NSD3: variants seen among roughly 807,000 people sequenced by gnomAD.
NSD3 encodes histone-lysine N-methyltransferase NSD3.
NSD3 carries 24 observed loss-of-function variants against 160.8 expected under a neutral mutation model. That is an observed-to-expected ratio of 0.15 (90% CI 0.11 to 0.21). The LOEUF (loss-of-function observed/expected upper bound fraction) is 0.21, where lower values mean the gene tolerates loss of function less well. Ranked by LOEUF, NSD3 falls within the 10% of genes least tolerant of loss-of-function variation. NSD3 has a pLI of 1.00. For synonymous variants in NSD3, 520 were observed against 600.0 expected, an observed-to-expected ratio of 0.87 and a Z score of 1.95; for missense variants, 1,157 against 1,735.9, an observed-to-expected ratio of 0.67 and a Z score of 5.93.
chr8:38,311,913 T>C (rs536499974), intron 12 of NSD3, among the ~76,000 whole-genome samples: 2 of 152,358 alleles, frequency 1.3e-5, no homozygotes, highest in Non-Finnish European at 2.9e-5. Context: ...CCAAGAGTTT[T>C]ATAGGTTTAG....
intron 19 of NSD3, among the ~76,000 whole-genome samples, chr8:38,285,996 G>A (rs1808846601): frequency 1.3e-5 from 2 of 152,136 alleles, no homozygotes; most frequent in South Asian, 2.1e-4. Context: ...ACCCAAGTGT[G>A]GCAGACAGAC....
At chr8:38,296,267 A>G (rs190626209) in intron 15 of NSD3, among the ~76,000 whole-genome samples, 2 of 152,318 alleles carry the variant, frequency 1.3e-5, no homozygotes, top group Non-Finnish European at 2.9e-5. Context: ...ACCAAATTGA[A>G]GCATAAAATC....
rs371586811 is a variant in NSD3, at chr8:38,279,646, A to G, written c.3654T>C (p.Tyr1218=). Reference sequence around the variant, plus strand: ...TACAACTGTGGTTCATGAAGCGAGAATAATTTCCTTTTGGGCCGGCATCAA... The same window carrying G: ...TACAACTGTGGTTCATGAAGCGAGAGTAATTTCCTTTTGGGCCGGCATCAA... ...RIIDAGPKGN[Y]SRFMNHSCNP... The change falls in exon 21 of 24, where the codon TAT becomes TAC. Residue 1218 remains tyrosine (Y), a synonymous_variant. Coordinates refer to ENST00000317025, the MANE Select transcript of NSD3 (RefSeq NM_023034.2). The G allele has an allele frequency of 7.9e-5, 128 of 1,613,784 alleles. 1 individual carries two copies. The highest frequency in any genetic ancestry group is 1.0e-4 in the Non-Finnish European group (122 of 1,179,802).
intron 2 of NSD3, among the ~76,000 whole-genome samples, chr8:38,342,849 C>A (rs944090329): frequency 1.3e-5 from 2 of 151,932 alleles, no homozygotes; most frequent in Non-Finnish European, 2.9e-5. Flanking sequence ...TGAGCCACCA[C>A]GGCCTTCAGC....
chr8:38,339,322 G>A (rs1810302666), intron 2 of NSD3, among the ~76,000 whole-genome samples: 1 of 152,128 alleles, frequency 6.6e-6, no homozygotes, highest in South Asian at 2.1e-4. Context: ...CTCTGACCTT[G>A]CAAATCTACT....
chr8:38,375,126 T>C (rs1811357847), intron 1 of NSD3, among the ~76,000 whole-genome samples: 1 of 152,182 alleles, frequency 6.6e-6, no homozygotes, highest in African/African-American at 2.4e-5. Flanking sequence ...GCCACATAAA[T>C]GTAAGGTATT....
intron 1 of NSD3, among the ~76,000 whole-genome samples, 179 bp from the exon 2 acceptor site, chr8:38,348,394 T>G (rs1810585914): frequency 6.6e-6 from 1 of 152,240 alleles, no homozygotes; most frequent in African/African-American, 2.4e-5. Flanking sequence ...GCAAATACCT[T>G]TTATCTTCAA....
rs1411593527 is a variant in NSD3, at chr8:38,270,154, C to G, written c.*5487G>C. The G allele has an allele frequency of 6.6e-6, 1 of 152,192 alleles. No homozygotes were observed. The highest frequency in any genetic ancestry group is 1.5e-5 in the Non-Finnish European group (1 of 68,042). The allele number at this position is 152,192 out of a possible 1,614,324, so 9.4% of individuals were successfully genotyped here. ...ACTAATCCCTTAGTGTCAAGAGCTT[C>G]TAGCCAAGTCACAGAAACTCAAAAG... On this transcript the variant is annotated 3_prime_UTR_variant, in exon 24 of 24. Coordinates refer to ENST00000317025, the MANE Select transcript of NSD3 (RefSeq NM_023034.2).
chr8:38,283,306 C>T (rs923690961), intron 19 of NSD3, among the ~76,000 whole-genome samples: 8 of 152,130 alleles, frequency 5.3e-5, no homozygotes, highest in African/African-American at 1.9e-4. Context: ...TAAGGACTTA[C>T]CAATCTTACT....
chr8:38,327,559 T>A (rs546514593), intron 6 of NSD3, among the ~76,000 whole-genome samples: 3 of 152,166 alleles, frequency 2.0e-5, no homozygotes, highest in Non-Finnish European at 4.4e-5. Context: ...TAAGATCACG[T>A]GAGGTAGAGT....
intron 12 of NSD3, among the ~76,000 whole-genome samples, chr8:38,307,160 AC>A (rs1358566675): frequency 5.7e-4 from 86 of 151,350 alleles, no homozygotes; most frequent in African/African-American, 1.9e-3. Flanking sequence ...ATAAATAAAT[AC>A]AAAAAAACTT....
chr8:38,332,176 A>G (rs923402220), intron 4 of NSD3, among the ~76,000 whole-genome samples: 1 of 152,248 alleles, frequency 6.6e-6, no homozygotes, highest in African/African-American at 2.4e-5. Flanking sequence ...CTTGGCCTGA[A>G]GTGATCCTCC....
intron 6 of NSD3, among the ~76,000 whole-genome samples, chr8:38,327,365 T>A (rs571112199): frequency 6.6e-6 from 1 of 151,876 alleles, no homozygotes; most frequent in African/African-American, 2.4e-5. Flanking sequence ...CAAAAAAAAT[T>A]TTTTTTTAAG....
chr8:38,336,148 C>G (rs1165242064), intron 4 of NSD3: 1 of 152,164 alleles, frequency 6.6e-6, no homozygotes, highest in Admixed American at 6.5e-5. Flanking sequence ...TGAACAAGGA[C>G]CAAGACAGAT....
At chr8:38,313,084 C>T (rs1480525058) in intron 12 of NSD3, among the ~76,000 whole-genome samples, 1 of 152,178 alleles carries the variant, frequency 6.6e-6, no homozygotes, top group African/African-American at 2.4e-5. Context: ...AGTTGGCAAA[C>T]TGTTCACAAG....
At chr8:38,280,418 T>C (rs1808705220) in intron 20 of NSD3, among the ~76,000 whole-genome samples, 1 of 152,192 alleles carries the variant, frequency 6.6e-6, no homozygotes, top group South Asian at 2.1e-4. Flanking sequence ...AATATGTTTA[T>C]GAAAGTTGTA....
chr8:38,317,992 G>A lies in NSD3; in HGVS notation c.1855+903C>T. On this transcript the variant is annotated intron_variant, in intron 9 of 23. Transcript: ENST00000317025. The surrounding 1 kb of genome is among the most constrained non-coding windows in gnomAD (Gnocchi z 5.3). Reference sequence around the variant, plus strand: ...TTTCCTCAATCGCTGCGGAGACGGAGCTGTCACTGAATCTGACAGAGCCCT... The same window carrying A: ...TTTCCTCAATCGCTGCGGAGACGGAACTGTCACTGAATCTGACAGAGCCCT... 6.2e-7 allele frequency: 1 copy of A among 1,614,174 alleles called. No homozygotes were observed. Among genetic ancestry groups the A allele is most frequent in the Non-Finnish European group, 8.5e-7 (1 of 1,180,040 alleles).
At chr8:38,284,707 G>A (rs538140443) in intron 19 of NSD3, among the ~76,000 whole-genome samples, 1 of 152,250 alleles carries the variant, frequency 6.6e-6, no homozygotes, top group South Asian at 2.1e-4. Flanking sequence ...TTTCTTTAGT[G>A]GAAACTCATA....
At chr8:38,353,079 G>C (rs1249476152) in intron 1 of NSD3, among the ~76,000 whole-genome samples, 1 of 152,108 alleles carries the variant, frequency 6.6e-6, no homozygotes, top group Admixed American at 6.6e-5. Context: ...ATTATACATA[G>C]GGAAATAGAG....
Sources: gnomAD v4.1 joint callset for allele counts (sites outside exome capture counted in the v4.1 genomes callset) on GRCh38, gnomAD v4.1.1 for gene constraint, Gnocchi (gnomAD v3.1) non-coding constraint, MANE v1.5 for transcripts, NCBI Gene and HGNC (gene_info 2026-07-23, HGNC 2026-07-21) for gene names.